The following COL1A1 variants were observed in gnomAD, a reference collection of about 807,000 sequenced individuals.
COL1A1 encodes the protein collagen type I alpha 1 chain, also known as collagen alpha-1(I) chain.
COL1A1 carries 21 observed loss-of-function variants against 195.7 expected under a neutral mutation model. That is an observed-to-expected ratio of 0.11 (90% CI 0.08 to 0.15). The LOEUF (loss-of-function observed/expected upper bound fraction) is 0.15, where lower values mean the gene tolerates loss of function less well. COL1A1 is among the 10% of genes least tolerant of loss of function. The pLI is 1.00. For missense variants in COL1A1, 1,365 were observed against 2,051.0 expected (o/e 0.67, Z 6.46); for synonymous variants, 749 against 747.3 (o/e 1.00, Z -0.04).
At position 50,190,051 on chromosome 17, in the gene COL1A1, C is replaced by T. The variant is rs1452985408; in HGVS notation, c.2509G>A (p.Asp837Asn). Residue 837 changes from aspartate (D) to asparagine (N), a missense_variant, in exon 36 of 51, where the codon GAT becomes AAT. Coordinates refer to ENST00000225964, the MANE Select transcript of COL1A1 (RefSeq NM_000088.4). This position sits in a 1 kb window ranked among gnomAD's most constrained non-coding sequence, Gnocchi z 4.7. ...GEPGDAGAKG[D>N]AGPPGPAGPA... ...CCGGCAGGGCCAGGGGGACCAGCAT[C>T]GCCTTTAGCACCAGCATCACCAGGT... 3.7e-6 allele frequency: 6 copies of T among 1,613,680 alleles called. No homozygotes were observed. Among genetic ancestry groups the T allele is most frequent in the African/African-American group, 1.3e-5 (1 of 74,980 alleles).
Position 50,199,539 on chromosome 17 carries a change from C to A in COL1A1, c.333+17G>T, listed in dbSNP as rs1907885869. 6.2e-7 allele frequency: 1 copy of A among 1,614,052 alleles called. No individual in the cohort carries two copies. Among genetic ancestry groups the A allele is most frequent in the Admixed American group, 1.7e-5 (1 of 60,004 alleles). ...TCACGGGCCGCGCAGGGGCAAAATT[C>A]GAGGGCAGGAGATTACCTCGACGCC... On this transcript the variant is annotated intron_variant, in intron 3 of 50. Coordinates refer to ENST00000225964, the MANE Select transcript of COL1A1 (RefSeq NM_000088.4).
chr17:50,201,362 C>T, intron 1 of COL1A1, 49 bp downstream of exon 1: 1 of 1,580,460 alleles, frequency 6.3e-7, no homozygotes, highest in Non-Finnish European at 8.7e-7. Context: ...GGACCAAGCG[C>T]AAGGCGCGAT....
chr17:50,188,021 T>G lies in COL1A1; in HGVS notation c.3262-38A>C. On this transcript the variant is annotated intron_variant, in intron 44 of 50. Transcript: ENST00000225964. This position sits in a 1 kb window ranked among gnomAD's most constrained non-coding sequence, Gnocchi z 5.6. Reference sequence around the variant, plus strand: ...AAGGGACAAACTGTCAGGCGGAAGTTCCATTGGCATCGAGTGGGGCACTGT... The same window carrying G: ...AAGGGACAAACTGTCAGGCGGAAGTGCCATTGGCATCGAGTGGGGCACTGT... 1 of 1,613,832 alleles carries G rather than the reference T, an allele frequency of 6.2e-7. No homozygotes were observed.
chr17:50,200,127 G>A (rs779150342), intron 1 of COL1A1, 180 bp from the exon 2 acceptor site: 8 of 696,886 alleles, frequency 1.1e-5, no homozygotes, highest in Middle Eastern at 3.9e-4. Context: ...CAGCGCCGAG[G>A]CGCCTGGCCA....
chr17:50,191,654 C>A, intron 31 of COL1A1, 134 bp downstream of exon 31: 1 of 1,151,184 alleles, frequency 8.7e-7, no homozygotes, highest in Non-Finnish European at 1.3e-6. Context: ...TGTGTGGGCC[C>A]CTGCCCTGGT....
Position 50,190,601 on chromosome 17 carries a change from G to C in COL1A1, c.2344-5C>G. ...GCCGCTGGGACCACTTTCACCCTGA[G>C]AGCAAGGGACAAGAGGCTCAGGGTC... On this transcript the variant is annotated splice_region_variant and splice_polypyrimidine_tract_variant and intron_variant, in intron 33 of 50. Transcript: ENST00000225964. The surrounding 1 kb of genome is among the most constrained non-coding windows in gnomAD (Gnocchi z 4.7). The C allele has an allele frequency of 6.2e-7, 1 of 1,613,130 alleles. No individual in the cohort carries two copies. The highest frequency in any genetic ancestry group is 8.5e-7 in the Non-Finnish European group (1 of 1,179,494).
At position 50,191,769 on chromosome 17, in the gene COL1A1, C is replaced by T; in HGVS notation, c.2127+19G>A. On this transcript the variant is annotated intron_variant, in intron 31 of 50. Transcript: ENST00000225964. ...GGTCCCTGGGCCACTTGCCAGAGCC[C>T]CTTCCACGCTGCCCTCACCTTAGCA... 1.9e-6 allele frequency: 3 copies of T among 1,561,046 alleles called. No individual in the cohort carries two copies. The highest frequency in any genetic ancestry group is 2.6e-6 in the Non-Finnish European group (3 of 1,151,898).
At chr17:50,191,313 G>A in intron 32 of COL1A1, 70 bp downstream of exon 32, 2 of 1,326,072 alleles carry the variant, frequency 1.5e-6, no homozygotes, top group South Asian at 2.3e-5. Flanking sequence ...AAGGAGAGAT[G>A]CTGAGAGATT....
In COL1A1 at chr17:50,195,216, A is replaced by G. The variant is rs745335918; in HGVS notation, c.1299+16T>C. The stretch of plus-strand genomic sequence containing the variant: ...CCAGTGCATGGGGTGGGCAGAAGGG[A>G]GAGTTTGGTACTCACGCTGTTACCC... On this transcript the variant is annotated intron_variant, in intron 19 of 50. Coordinates refer to ENST00000225964, the MANE Select transcript of COL1A1 (RefSeq NM_000088.4). This position sits in a 1 kb window ranked among gnomAD's most constrained non-coding sequence, Gnocchi z 4.3. 5 of 1,611,546 alleles carry G rather than the reference A, an allele frequency of 3.1e-6. No homozygotes were observed. The South Asian group carries it at 4.4e-5, about 14-fold the overall frequency.
chr17:50,199,377 G>A, intron 4 of COL1A1, 41 bp downstream of exon 4: 1 of 1,611,706 alleles, frequency 6.2e-7, no homozygotes, highest in Non-Finnish European at 8.5e-7. Flanking sequence ...CGAGAGCCAT[G>A]CCCACCTGCA....
At chr17:50,201,210 G>A (rs971699811) in intron 1 of COL1A1, among the ~76,000 whole-genome samples, 2 of 152,080 alleles carry the variant, frequency 1.3e-5, no homozygotes, top group African/African-American at 4.8e-5. Context: ...CTCACCTCCC[G>A]CTCCCGGGGC....
chr17:50,192,010 G>A lies in COL1A1; in HGVS notation c.1998C>T (p.Asp666=), dbSNP rs1182160338. The change falls in exon 30 of 51, where the codon GAC becomes GAT. Residue 666 remains aspartate, a synonymous_variant. Coordinates refer to ENST00000225964, the MANE Select transcript of COL1A1 (RefSeq NM_000088.4). ...CTCCAGAGGGGCCAGGGGCGCCAAGGTCTCCAGGAACACCCTGAGGGGGAG... is the reference window on the plus strand; with the variant it reads ...CTCCAGAGGGGCCAGGGGCGCCAAGATCTCCAGGAACACCCTGAGGGGGAG... ...GKPGEQGVPG[D]LGAPGPSGAR... 6.2e-7 allele frequency: 1 copy of A among 1,613,076 alleles called. No homozygotes were observed. Among genetic ancestry groups the A allele is most frequent in the Non-Finnish European group, 8.5e-7 (1 of 1,179,764 alleles).
In COL1A1 at chr17:50,192,037, G is replaced by C. The variant is rs772638625; in HGVS notation, c.1984-13C>G. ...CTCCAGGAACACCCTGAGGGGGAGGGAGAGAGGAACAGACAGTGAGCAAAA... is the reference window on the plus strand; with the variant it reads ...CTCCAGGAACACCCTGAGGGGGAGGCAGAGAGGAACAGACAGTGAGCAAAA... On this transcript the variant is annotated splice_polypyrimidine_tract_variant and intron_variant, in intron 29 of 50. Transcript: ENST00000225964. The C allele has an allele frequency of 6.2e-7, 1 of 1,611,306 alleles. No homozygotes were observed. Among genetic ancestry groups the C allele is most frequent in the East Asian group, 2.2e-5 (1 of 44,844 alleles).
At chr17:50,187,154 G>T (rs1468501628) in intron 46 of COL1A1, 32 bp from the exon 47 acceptor site, 2 of 1,538,838 alleles carry the variant, frequency 1.3e-6, no homozygotes, top group South Asian at 1.2e-5. Context: ...GAGAAAGGCT[G>T]CCAGAAGCCC....
rs1312743176 is a variant in COL1A1, at chr17:50,185,780, T to C, written c.4246A>G (p.Thr1416Ala). ...FTYSVTVDGCTSHTGAWGKTV... is the reference protein window; with the variant it reads ...FTYSVTVDGCASHTGAWGKTV... ...GCCTGGGGATTCTGGGCACTCACCG[T>C]GCAGCCATCGACAGTGACGCTGTAG... Residue 1416 changes from threonine (T) to alanine (A), a missense_variant and splice_region_variant, in exon 50 of 51, where the codon ACG becomes GCG. Thr to Ala is a moderately conservative substitution (Grantham distance 58, BLOSUM62 0). Around this residue, in one of 5 missense-constraint regions of COL1A1, gnomAD observed 273 missense variants for 338.6 expected, o/e 0.81. Coordinates refer to ENST00000225964, the MANE Select transcript of COL1A1 (RefSeq NM_000088.4). 1 of 1,613,578 alleles carries C rather than the reference T, an allele frequency of 6.2e-7. No individual in the cohort carries two copies. The highest frequency in any genetic ancestry group is 1.7e-5 in the Admixed American group (1 of 60,026).
In COL1A1 at chr17:50,190,391, A is replaced by G. The variant is rs186835598; in HGVS notation, c.2398-11T>C. On this transcript the variant is annotated splice_polypyrimidine_tract_variant and intron_variant, in intron 34 of 50. Coordinates refer to ENST00000225964, the MANE Select transcript of COL1A1 (RefSeq NM_000088.4). The surrounding 1 kb of genome is among the most constrained non-coding windows in gnomAD (Gnocchi z 4.7). ...CTCACCACGGTCTCCCTAGAAGAAA[A>G]GGAGTCAGATTGGAGAGATGCGCTG... 28 of 1,611,400 alleles carry G rather than the reference A, an allele frequency of 1.7e-5. No individual in the cohort carries two copies. Among genetic ancestry groups the G allele is most frequent in the Non-Finnish European group, 2.4e-5 (28 of 1,177,986 alleles).
rs766699080 is a variant in COL1A1 at position 50,199,431 on chromosome 17, G to C, written c.356C>G (p.Pro119Arg). ...TGCAACGCTTACCCTTGGGCCTCGG[G>C]GGCCAGTGTCTCCCTTGGGTCCCTG... ...GVEGPKGDTG[P>R]RGPRGPAGPP... is the part of the protein sequence containing the mutation. The change falls in exon 4 of 51, where the codon CCC (proline) becomes CGC (arginine). Residue 119 changes from proline (P) to arginine (R), a missense_variant. Physicochemically the swap from Pro to Arg is moderately radical, Grantham distance 103. Transcript: ENST00000225964. The C allele has an allele frequency of 1.2e-6, 2 of 1,614,062 alleles. No homozygotes were observed. The highest frequency in any genetic ancestry group is 2.7e-5 in the African/African-American group (2 of 74,944).
intron 9 of COL1A1, among the ~76,000 whole-genome samples, 154 bp downstream of exon 9, chr17:50,197,578 G>A (rs906573051): frequency 6.6e-6 from 1 of 152,210 alleles, no homozygotes; most frequent in Non-Finnish European, 1.5e-5. Flanking sequence ...CTCACTAAGC[G>A]AAAAGATCAT....
Position 50,194,312 on chromosome 17 carries a change from GGCCTGGCCAAGCCAGGCTGAAA to G in COL1A1, c.1614+15_1614+36del. The G allele has an allele frequency of 6.2e-7, 1 of 1,610,110 alleles. No homozygotes were observed. The highest frequency in any genetic ancestry group is 8.5e-7 in the Non-Finnish European group (1 of 1,176,578). On this transcript the variant is annotated intron_variant, in intron 23 of 50. Transcript: ENST00000225964. This position sits in a 1 kb window ranked among gnomAD's most constrained non-coding sequence, Gnocchi z 6.8. ...CCCAGACCCTACACGGGATGGTCAG[GGCCTGGCCAAGCCAGGCTGAAA>G]GCCTGGGGCCTCACCTTGGCACCAG...
Sources: gnomAD v4.1 joint callset for allele counts (sites outside exome capture counted in the v4.1 genomes callset) on GRCh38, gnomAD v4.1.1 for gene constraint, gnomAD v4.1.1 regional missense constraint, Gnocchi (gnomAD v3.1) non-coding constraint, MANE v1.5 for transcripts, NCBI Gene and HGNC (gene_info 2026-07-23, HGNC 2026-07-21) for gene names.